Variants in HS3ST4 observed in about 807,000 individuals in gnomAD.
HS3ST4 encodes heparan sulfate glucosamine 3-O-sulfotransferase 4.
HS3ST4 carries 17 observed loss-of-function variants against 29.2 expected under a neutral mutation model. That is an observed-to-expected ratio of 0.58 (90% CI 0.40 to 0.87). HS3ST4 has a LOEUF of 0.87. HS3ST4 is among the 40% of genes least tolerant of loss of function. HS3ST4 has a pLI of 0.00. For missense variants in HS3ST4, 627 were observed against 634.5 expected (o/e 0.99, Z 0.13); for synonymous variants, 314 against 285.7 (o/e 1.10, Z -1.00).
intron 1 of HS3ST4, among the ~76,000 whole-genome samples, chr16:25,921,327 T>C (rs1968350868): frequency 6.6e-6 from 1 of 152,248 alleles, no homozygotes; most frequent in Non-Finnish European, 1.5e-5. Flanking sequence ...TTATTGTATC[T>C]GGCAATTTTA....
intron 1 of HS3ST4, among the ~76,000 whole-genome samples, chr16:25,960,579 T>A (rs540358827): frequency 6.6e-6 from 1 of 152,298 alleles, no homozygotes; most frequent in Non-Finnish European, 1.5e-5. Context: ...CTGGAAGAAC[T>A]GTGCTACAAA....
At chr16:25,741,875 T>A (rs1966656071) in intron 1 of HS3ST4, among the ~76,000 whole-genome samples, 1 of 152,234 alleles carries the variant, frequency 6.6e-6, no homozygotes, top group African/African-American at 2.4e-5. Context: ...TCACATGTTC[T>A]CTGGCCCTCC....
intron 1 of HS3ST4, among the ~76,000 whole-genome samples, chr16:25,756,477 A>G (rs1596562053): frequency 6.6e-6 from 1 of 152,192 alleles, no homozygotes; most frequent in Non-Finnish European, 1.5e-5. Flanking sequence ...GGAGGAGTTG[A>G]GAGCAAGGGC....
chr16:25,854,474 G>GCA lies in HS3ST4; in HGVS notation c.734+161324_734+161325insAC, dbSNP rs1967554147. Among the ~76,000 whole-genome samples the GCA allele has an allele frequency of 2.0e-5, 3 of 151,948 alleles. No individual in the cohort carries two copies. In the South Asian group the frequency reaches 6.2e-4, roughly 32 times the overall value. On this transcript the variant is annotated intron_variant, in intron 1 of 1. Coordinates refer to ENST00000331351, the MANE Select transcript of HS3ST4 (RefSeq NM_006040.3). ...GTGAGTTTTGGTTGCCTTCTGTATT[G>GCA]CCATCTGTTTTATCAGCAAGGTCTT...
chr16:26,134,273 G>T (rs751608413), intron 1 of HS3ST4, among the ~76,000 whole-genome samples: 1 of 151,712 alleles, frequency 6.6e-6, no homozygotes, highest in Non-Finnish European at 1.5e-5. Context: ...CCCATATATT[G>T]AGCCATACCT....
intron 1 of HS3ST4, among the ~76,000 whole-genome samples, chr16:26,029,908 AC>A (rs1290265112): frequency 6.6e-6 from 1 of 152,064 alleles, no homozygotes; most frequent in Admixed American, 6.5e-5. Context: ...TCCTTTCTTA[AC>A]CCCACACCTC....
intron 1 of HS3ST4, among the ~76,000 whole-genome samples, chr16:25,967,162 T>A (rs1968850473): frequency 6.6e-6 from 1 of 152,184 alleles, no homozygotes; most frequent in African/African-American, 2.4e-5. Context: ...TTGTTTTTTG[T>A]TTTTTTGAGA....
intron 1 of HS3ST4, among the ~76,000 whole-genome samples, chr16:25,989,047 C>T (rs1053148837): frequency 7.2e-5 from 11 of 152,090 alleles, no homozygotes; most frequent in Admixed American, 3.9e-4. Flanking sequence ...TGAAGATTTG[C>T]GGGCAGAGAA....
chr16:25,875,196 A>G (rs1251724396), intron 1 of HS3ST4, among the ~76,000 whole-genome samples: 2 of 152,128 alleles, frequency 1.3e-5, no homozygotes, highest in Admixed American at 1.3e-4. Context: ...AAACTTTTCT[A>G]TCGTTTCAGC....
chr16:26,078,442 C>G (rs780347154), intron 1 of HS3ST4, among the ~76,000 whole-genome samples: 10 of 152,148 alleles, frequency 6.6e-5, no homozygotes, highest in Non-Finnish European at 1.3e-4. Flanking sequence ...GCCACCGCAC[C>G]CAGCCTGTTT....
At chr16:25,909,165 G>A (rs759584853) in intron 1 of HS3ST4, among the ~76,000 whole-genome samples, 4 of 152,088 alleles carry the variant, frequency 2.6e-5, no homozygotes, top group Non-Finnish European at 5.9e-5. Flanking sequence ...GTCTGGGATG[G>A]GGCTGGAGAT....
Position 25,771,857 on chromosome 16 carries a change from A to G in HS3ST4, c.734+78706A>G, listed in dbSNP as rs569811460. The stretch of plus-strand genomic sequence containing the variant: ...TGGAGGAGAATAGAACATTGAGTAC[A>G]TACTGTAGGAGCTCAATGCATTTTT... On this transcript the variant is annotated intron_variant, in intron 1 of 1. Coordinates refer to ENST00000331351, the MANE Select transcript of HS3ST4 (RefSeq NM_006040.3). Among the ~76,000 whole-genome samples, 16 of 152,336 alleles carry G rather than the reference A, an allele frequency of 1.1e-4. No individual in the cohort carries two copies. In the East Asian group the frequency reaches 3.1e-3, roughly 29 times the overall value.
At chr16:25,843,797 C>G (rs1225836917) in intron 1 of HS3ST4, among the ~76,000 whole-genome samples, 1 of 152,178 alleles carries the variant, frequency 6.6e-6, no homozygotes, top group African/African-American at 2.4e-5. Context: ...GCAGGATTCT[C>G]TTACTATCAT....
At chr16:26,024,781 T>C (rs971384757) in intron 1 of HS3ST4, among the ~76,000 whole-genome samples, 4 of 152,220 alleles carry the variant, frequency 2.6e-5, no homozygotes, top group Non-Finnish European at 5.9e-5. Flanking sequence ...AGAACACTTT[T>C]AATGATCTTT....
chr16:25,951,593 C>A (rs1968683906), intron 1 of HS3ST4, among the ~76,000 whole-genome samples: 1 of 152,208 alleles, frequency 6.6e-6, no homozygotes, highest in Non-Finnish European at 1.5e-5. Flanking sequence ...ATCTGTATCC[C>A]ACTTTCTACT....
At chr16:26,021,626 A>G (rs1969414463) in intron 1 of HS3ST4, among the ~76,000 whole-genome samples, 1 of 152,034 alleles carries the variant, frequency 6.6e-6, no homozygotes, top group Non-Finnish European at 1.5e-5. Flanking sequence ...TCCCATACAA[A>G]CACAACCTCT....
chr16:26,088,490 C>T (rs572915838), intron 1 of HS3ST4, among the ~76,000 whole-genome samples: 6 of 152,014 alleles, frequency 3.9e-5, no homozygotes, highest in African/African-American at 1.2e-4. Context: ...TTGGTTGAGG[C>T]GAATGGTTGG....
intron 1 of HS3ST4, among the ~76,000 whole-genome samples, chr16:25,960,273 A>G (rs1021855178): frequency 3.3e-5 from 5 of 152,338 alleles, no homozygotes; most frequent in Admixed American, 3.3e-4. Flanking sequence ...AGATGTGGGT[A>G]CCATGCTTGT....
intron 1 of HS3ST4, among the ~76,000 whole-genome samples, chr16:25,967,285 C>G (rs1968851488): frequency 6.6e-6 from 1 of 152,278 alleles, no homozygotes; most frequent in South Asian, 2.1e-4. Context: ...TCCCCAGTAG[C>G]TGGGACTACA....
Sources: gnomAD v4.1 joint callset for allele counts (sites outside exome capture counted in the v4.1 genomes callset) on GRCh38, gnomAD v4.1.1 for gene constraint, MANE v1.5 for transcripts, NCBI Gene and HGNC (gene_info 2026-07-23, HGNC 2026-07-21) for gene names.